MS4A14: variants seen among roughly 807,000 people sequenced by gnomAD.
The protein encoded by MS4A14 is membrane-spanning 4-domains subfamily A member 14.
MS4A14 carries 18 observed loss-of-function variants against 16.7 expected under a neutral mutation model. The ratio of observed to expected loss-of-function variants is 1.08; its 90% CI spans 0.75 to 1.60. MS4A14 has a LOEUF of 1.60. Ranked by LOEUF, MS4A14 falls within the 40% of genes most tolerant of loss-of-function variation. The pLI, the probability that MS4A14 is intolerant of heterozygous loss-of-function variation, is 0.00. For missense variants in MS4A14, 812 were observed against 775.3 expected, an observed-to-expected ratio of 1.05 and a Z score of -0.56; for synonymous variants, 305 against 289.4, an observed-to-expected ratio of 1.05 and a Z score of -0.55.
At position 60,415,795 on chromosome 11, in the gene MS4A14, A is replaced by T; in HGVS notation, c.827A>T (p.Asp276Val). Residue 276 changes from aspartate (D) to valine (V), a missense_variant, in exon 5 of 5, where the codon GAT becomes GTT. By Grantham distance (152) the Asp-to-Val change is radical. Transcript: ENST00000300187. ...GACTCTACATTTAAACAAATGAAAG[A>T]TGAAGATCTACAATCTGCTATTGTA... ...QLDSTFKQMK[D>V]EDLQSAIVQP... 6.2e-7 allele frequency: 1 copy of T among 1,613,978 alleles called. No homozygotes were observed. The highest frequency in any genetic ancestry group is 8.5e-7 in the Non-Finnish European group (1 of 1,179,922).
intron 4 of MS4A14, among the ~76,000 whole-genome samples, chr11:60,406,803 T>C (rs921445159): frequency 1.3e-5 from 2 of 152,200 alleles, no homozygotes; most frequent in African/African-American, 2.4e-5. Flanking sequence ...AACCCCTTTG[T>C]AGTCAATGTT....
At position 60,416,780 on chromosome 11, in the gene MS4A14, G is replaced by T. The variant is rs1479998044; in HGVS notation, c.1812G>T (p.Gln604His). The change falls in exon 5 of 5, where the codon CAG becomes CAT. Residue 604 changes from glutamine to histidine, a missense_variant. Coordinates refer to ENST00000300187, the MANE Select transcript of MS4A14 (RefSeq NM_032597.5). ...ACTCAAAGAAGCAAACCCAGGATCAGCAAACTGAAGACCAGCCGGCCCAAG... is the reference window on the plus strand; with the variant it reads ...ACTCAAAGAAGCAAACCCAGGATCATCAAACTGAAGACCAGCCGGCCCAAG... ...EQNSKKQTQD[Q>H]QTEDQPAQEK... The T allele has an allele frequency of 1.2e-6, 2 of 1,613,540 alleles. No individual in the cohort carries two copies. The highest frequency in any genetic ancestry group is 1.7e-6 in the Non-Finnish European group (2 of 1,179,800).
chr11:60,411,012 A>G (rs758078487), intron 4 of MS4A14, among the ~76,000 whole-genome samples: 19 of 151,914 alleles, frequency 1.3e-4, no homozygotes, highest in Non-Finnish European at 1.8e-4. Context: ...TGCCAGGCTA[A>G]TTTTTGTATT....
chr11:60,401,813 AAGAG>A (rs2085718056), intron 3 of MS4A14, among the ~76,000 whole-genome samples: 3 of 152,152 alleles, frequency 2.0e-5, no homozygotes, highest in African/African-American at 7.2e-5. Context: ...ACTAAAGACC[AAGAG>A]AGAGATGGCC....
At chr11:60,402,396 C>T (rs2085727714) in intron 3 of MS4A14, among the ~76,000 whole-genome samples, 1 of 152,114 alleles carries the variant, frequency 6.6e-6, no homozygotes, top group South Asian at 2.1e-4. Flanking sequence ...ATTTTTGTTT[C>T]TCCAGGGCCT....
intron 4 of MS4A14, among the ~76,000 whole-genome samples, chr11:60,409,786 C>T (rs186334692): frequency 4.7e-4 from 71 of 150,082 alleles, no homozygotes; most frequent in African/African-American, 1.7e-3. Context: ...TTTTTTCTTT[C>T]TTTCTTTCCT....
rs745499116 is a variant in MS4A14, at chr11:60,415,541, T to A, written c.573T>A (p.Asp191Glu). 1 of 1,613,830 alleles carries A rather than the reference T, an allele frequency of 6.2e-7. No homozygotes were observed. Among genetic ancestry groups the A allele is most frequent in the African/African-American group, 1.3e-5 (1 of 75,042 alleles). ...TGCTTCAAGAAGAGTTTTCCAGTGA[T>A]GATTCAACAACAAATGCACAATCTG... ...QFVLQEEFSS[D>E]DSTTNAQSVI... Residue 191 changes from aspartate to glutamate, a missense_variant, in exon 5 of 5, where the codon GAT becomes GAA. Coordinates refer to ENST00000300187, the MANE Select transcript of MS4A14 (RefSeq NM_032597.5).
intron 4 of MS4A14, among the ~76,000 whole-genome samples, chr11:60,406,363 GA>G (rs370747374): frequency 6.6e-6 from 1 of 151,788 alleles, no homozygotes; most frequent in East Asian, 1.9e-4. Flanking sequence ...AAAGAAATAG[GA>G]AAAAAAGCTG....
intron 4 of MS4A14, among the ~76,000 whole-genome samples, chr11:60,408,826 G>A (rs1309940028): frequency 1.3e-5 from 2 of 152,126 alleles, no homozygotes; most frequent in East Asian, 1.9e-4. Flanking sequence ...ACCTAAGAGC[G>A]AAATTGCTGG....
At chr11:60,397,477 T>C (rs2085643794) in intron 1 of MS4A14, among the ~76,000 whole-genome samples, 1 of 152,088 alleles carries the variant, frequency 6.6e-6, no homozygotes, top group South Asian at 2.1e-4. Context: ...AATAGGATAC[T>C]GGTGAGACAG....
chr11:60,405,183 A>G (rs901001457), intron 4 of MS4A14, among the ~76,000 whole-genome samples: 4 of 151,820 alleles, frequency 2.6e-5, no homozygotes, highest in Non-Finnish European at 5.9e-5. Flanking sequence ...AGGTTCAAGC[A>G]ATTCTCCTGC....
Position 60,397,337 on chromosome 11 carries a change from C to G in MS4A14, c.139-515C>G, listed in dbSNP as rs563840552. Among the ~76,000 whole-genome samples, 8 of 152,232 alleles carry G rather than the reference C, an allele frequency of 5.3e-5. 1 individual carries two copies. Among genetic ancestry groups the G allele is most frequent in the Admixed American group, 5.2e-4 (8 of 15,288 alleles). ...CCATGGATGAAGGGGAGGTGAAATG[C>G]AAGCTCATCCCAGGTTCTCCACTCT... On this transcript the variant is annotated intron_variant, in intron 1 of 4. Transcript: ENST00000300187.
rs1199868173 is a variant in MS4A14, at chr11:60,416,004, C to G, written c.1036C>G (p.Gln346Glu). The change falls in exon 5 of 5, where the codon CAG becomes GAG. Residue 346 changes from glutamine to glutamate, a missense_variant. Transcript: ENST00000300187. ...PSKSTSSHVKQSSNLTANDLP... is the reference protein window; with the variant it reads ...PSKSTSSHVKESSNLTANDLP... Reference sequence around the variant, plus strand: ...TAAGTCTACATCATCCCATGTCAAACAGTCTTCTAATCTGACAGCTAATGA... The same window carrying G: ...TAAGTCTACATCATCCCATGTCAAAGAGTCTTCTAATCTGACAGCTAATGA... 4 of 1,613,752 alleles carry G rather than the reference C, an allele frequency of 2.5e-6. No individual in the cohort carries two copies.
At chr11:60,402,398 C>T (rs2085727747) in intron 3 of MS4A14, among the ~76,000 whole-genome samples, 1 of 152,068 alleles carries the variant, frequency 6.6e-6, no homozygotes, top group South Asian at 2.1e-4. Flanking sequence ...TTTTGTTTCT[C>T]CAGGGCCTAA....
rs756261086 is a variant in MS4A14 at position 60,415,989 on chromosome 11, T to A, written c.1021T>A (p.Ser341Thr). The A allele has an allele frequency of 1.1e-5, 18 of 1,613,786 alleles. No homozygotes were observed. In the South Asian group the frequency reaches 2.0e-4, roughly 18 times the overall value. Reference sequence around the variant, plus strand: ...ACAAACCATGCCATCTAAGTCTACATCATCCCATGTCAAACAGTCTTCTAA... The same window carrying A: ...ACAAACCATGCCATCTAAGTCTACAACATCCCATGTCAAACAGTCTTCTAA... ...SEQTMPSKST[S>T]SHVKQSSNLT... The change falls in exon 5 of 5, where the codon TCA (serine) becomes ACA (threonine). Residue 341 changes from serine to threonine, a missense_variant. Transcript: ENST00000300187.
In MS4A14 at chr11:60,416,247, T is replaced by A; in HGVS notation, c.1279T>A (p.Phe427Ile). ...AGCCTCAACATCCCATATTGTGCAG[T>A]TCCCTGAAATACAACACCTACTTCA... Reference protein sequence around the residue: ...PEASTSHIVQFPEIQHLLQQP... With the variant: ...PEASTSHIVQIPEIQHLLQQP... The change falls in exon 5 of 5, where the codon TTC becomes ATC. Residue 427 changes from phenylalanine (F) to isoleucine (I), a missense_variant. Physicochemically the swap from Phe to Ile is conservative, Grantham distance 21. Coordinates refer to ENST00000300187, the MANE Select transcript of MS4A14 (RefSeq NM_032597.5). 2 of 1,613,964 alleles carry A rather than the reference T, an allele frequency of 1.2e-6. No homozygotes were observed. Among genetic ancestry groups the A allele is most frequent in the Non-Finnish European group, 8.5e-7 (1 of 1,179,964 alleles).
intron 4 of MS4A14, among the ~76,000 whole-genome samples, chr11:60,412,238 G>A (rs536754170): frequency 4.8e-4 from 72 of 151,290 alleles, no homozygotes; most frequent in African/African-American, 1.7e-3. Context: ...CAAGGTAATG[G>A]TGGCCTCATA....
At chr11:60,405,509 G>A (rs2085774228) in intron 4 of MS4A14, among the ~76,000 whole-genome samples, 1 of 152,104 alleles carries the variant, frequency 6.6e-6, no homozygotes, top group Non-Finnish European at 1.5e-5. Context: ...GCAATCTGTG[G>A]GCTATATCCA....
intron 3 of MS4A14, among the ~76,000 whole-genome samples, chr11:60,401,812 C>A (rs1565174288): frequency 6.6e-6 from 1 of 152,050 alleles, no homozygotes; most frequent in African/African-American, 2.4e-5. Context: ...GACTAAAGAC[C>A]AAGAGAGAGA....
Sources: gnomAD v4.1 joint callset for allele counts (sites outside exome capture counted in the v4.1 genomes callset) on GRCh38, gnomAD v4.1.1 for gene constraint, MANE v1.5 for transcripts, NCBI Gene and HGNC (gene_info 2026-07-23, HGNC 2026-07-21) for gene names.